PPP6R1: variants seen among roughly 807,000 people sequenced by gnomAD.
PPP6R1 encodes serine/threonine-protein phosphatase 6 regulatory subunit 1.
Under a neutral mutation model 104.6 loss-of-function variants are expected in PPP6R1, and 39 were observed. The ratio of observed to expected loss-of-function variants is 0.37; its 90% CI spans 0.29 to 0.49. The LOEUF is 0.49. Among genes scored for constraint, PPP6R1 ranks in the 20% least tolerant of loss-of-function variants. The pLI, the probability that PPP6R1 is intolerant of heterozygous loss-of-function variation, is 0.98. For synonymous variants in PPP6R1, 549 were observed against 479.0 expected (o/e 1.15, Z -1.91); for missense variants, 1,181 against 1,155.8 (o/e 1.02, Z -0.32).
Position 55,240,056 on chromosome 19 carries a change from G to C in PPP6R1, c.1420C>G (p.Leu474Val). The C allele has an allele frequency of 6.2e-7, 1 of 1,602,930 alleles. No homozygotes were observed. The highest frequency in any genetic ancestry group is 8.5e-7 in the Non-Finnish European group (1 of 1,176,344). ...GGCCCCTTCTCCGTGTTCTGCACCA[G>C]GGCACCGGCCACTCTTGTCAGGTGA... Reference protein sequence around the residue: ...MGHLTRVAGALVQNTEKGPNA... With the variant: ...MGHLTRVAGAVVQNTEKGPNA... The change falls in exon 12 of 24, where the codon CTG becomes GTG. Residue 474 changes from leucine (L) to valine (V), a missense_variant. Leu to Val is a conservative substitution (Grantham distance 32). This residue lies in a region of PPP6R1 where 1,042 missense variants were observed against 955.6 expected (regional missense o/e 1.09). Transcript: ENST00000412770.
At chr19:55,237,319 C>T (rs1315275327) in intron 15 of PPP6R1, among the ~76,000 whole-genome samples, 1 of 152,174 alleles carries the variant, frequency 6.6e-6, no homozygotes, top group African/African-American at 2.4e-5. Context: ...CCCTTGTCCC[C>T]ATCCTTGGGG....
chr19:55,237,494 C>T (rs982812617), intron 15 of PPP6R1, among the ~76,000 whole-genome samples: 1 of 152,128 alleles, frequency 6.6e-6, no homozygotes, highest in African/African-American at 2.4e-5. Context: ...CCTGCCAGGG[C>T]CCCACCTCCC....
At chr19:55,228,510 C>A (rs1247207365), downstream of PPP6R1, 1 of 1,578,772 alleles carries the variant, frequency 6.3e-7, no homozygotes, top group African/African-American at 1.3e-5. Context: ...TCTCATGGCT[C>A]CTGTCCCACC....
chr19:55,228,458 C>T (rs371721807), downstream of PPP6R1: 8 of 1,608,022 alleles, frequency 5.0e-6, no homozygotes, highest in African/African-American at 5.3e-5. Flanking sequence ...TGGGGAGCTA[C>T]TGAGCCGAAA....
Position 55,232,489 on chromosome 19 carries a change from G to A in PPP6R1, c.1989-278C>T, listed in dbSNP as rs2122524473. 1.1e-5 allele frequency: 5 copies of A among 442,600 alleles called. No individual in the cohort carries two copies. The East Asian group carries it at 1.5e-4, about 14-fold the overall frequency. 27.4% of individuals were successfully genotyped at this position (442,600 alleles called of 1,614,324 possible). A position where few individuals can be genotyped will look rare whatever the true frequency, so the allele number is the denominator to read the frequency against. On this transcript the variant is annotated intron_variant, in intron 17 of 23. Transcript: ENST00000412770. ...TGGAGGGCAGGCCCTGGGGAAGTGG[G>A]CTGAGCCTCAGCCATGGCAACCAGA...
chr19:55,240,272 C>T lies in PPP6R1; in HGVS notation c.1325G>A (p.Arg442Gln), dbSNP rs1344090074. The change falls in exon 11 of 24, where the codon CGG becomes CAG. Residue 442 changes from arginine to glutamine, a missense_variant. Coordinates refer to ENST00000412770, the MANE Select transcript of PPP6R1 (RefSeq NM_014931.4). ...GTTCTCCTCCCAGGACGTCAGGATC[C>T]GCTCCACCAGGCGGCACTGCTGCAG... ...HLLQQCRLVE[R>Q]ILTSWEENDR... 1.2e-5 allele frequency: 19 copies of T among 1,594,564 alleles called. No homozygotes were observed. Among genetic ancestry groups the T allele is most frequent in the African/African-American group, 2.7e-5 (2 of 74,530 alleles).
At chr19:55,246,847 G>C in intron 2 of PPP6R1, 30 bp downstream of exon 2, 1 of 1,523,160 alleles carries the variant, frequency 6.6e-7, no homozygotes, top group Non-Finnish European at 8.9e-7. Context: ...TGCTGATAGG[G>C]ACGGGCTGGC....
chr19:55,240,130 G>T lies in PPP6R1; in HGVS notation c.1362-16C>A. ...TCCCGCACACCTGGCAAGAGTGAAG[G>T]CCGCGGCTGCAAGCCAGGACTGGAC... On this transcript the variant is annotated splice_polypyrimidine_tract_variant and intron_variant, in intron 11 of 23. Transcript: ENST00000412770. 4 of 1,566,756 alleles carry T rather than the reference G, an allele frequency of 2.6e-6. No individual in the cohort carries two copies. The highest frequency in any genetic ancestry group is 1.7e-4 in the Middle Eastern group (1 of 6,012).
chr19:55,250,081 G>C (rs968794283), intron 1 of PPP6R1, among the ~76,000 whole-genome samples: 1 of 152,200 alleles, frequency 6.6e-6, no homozygotes, highest in African/African-American at 2.4e-5. Context: ...CTGAGGCACA[G>C]TGCTGGATGG....
At chr19:55,228,416 G>A (rs1432000911), downstream of PPP6R1, 1 of 1,612,834 alleles carries the variant, frequency 6.2e-7, no homozygotes. Flanking sequence ...AAGGGGCTCA[G>A]CCACCTGCAG....
chr19:55,257,913 C>T (rs934801914), intron 1 of PPP6R1, among the ~76,000 whole-genome samples: 1 of 152,182 alleles, frequency 6.6e-6, no homozygotes, highest in African/African-American at 2.4e-5. Context: ...GCTCCCAGGT[C>T]CCTCGCACAA....
At chr19:55,253,546 G>A (rs1032933311) in intron 1 of PPP6R1, among the ~76,000 whole-genome samples, 4 of 152,108 alleles carry the variant, frequency 2.6e-5, no homozygotes, top group East Asian at 1.9e-4. Context: ...CAAGAACTTC[G>A]GCCCTGAGAA....
intron 1 of PPP6R1, among the ~76,000 whole-genome samples, chr19:55,257,856 C>T (rs1388572630): frequency 6.6e-6 from 1 of 152,264 alleles, no homozygotes; most frequent in African/African-American, 2.4e-5. Context: ...CAGCAGGCTT[C>T]ATCTCACTGA....
At chr19:55,230,969 GCTCA>G in intron 21 of PPP6R1, 85 bp from the exon 22 acceptor site, 1 of 1,191,028 alleles carries the variant, frequency 8.4e-7, no homozygotes, top group Non-Finnish European at 1.2e-6. Context: ...ACTGAAGTCG[GCTCA>G]CTGGGTGTGT....
chr19:55,246,857 C>A lies in PPP6R1; in HGVS notation c.227+20G>T. Reference sequence around the variant, plus strand: ...TGTGATGCTGATAGGGACGGGCTGGCCAGGAGCTGGGGAACTCACTTGTAG... The same window carrying A: ...TGTGATGCTGATAGGGACGGGCTGGACAGGAGCTGGGGAACTCACTTGTAG... On this transcript the variant is annotated intron_variant, in intron 2 of 23. Transcript: ENST00000412770. 6.4e-7 allele frequency: 1 copy of A among 1,554,270 alleles called. No individual in the cohort carries two copies. The highest frequency in any genetic ancestry group is 1.2e-5 in the South Asian group (1 of 83,980).
At chr19:55,246,214 T>G (rs1389702672) in intron 2 of PPP6R1, among the ~76,000 whole-genome samples, 1 of 152,018 alleles carries the variant, frequency 6.6e-6, no homozygotes, top group Non-Finnish European at 1.5e-5. Flanking sequence ...GCATATCACT[T>G]GAGGTCAGAA....
At chr19:55,234,655 GCGGCTGCACTCACA>G in intron 17 of PPP6R1, among the ~76,000 whole-genome samples, 1 of 104,424 alleles carries the variant, frequency 9.6e-6, no homozygotes, top group South Asian at 2.3e-4. Context: ...CGCACTCACA[GCGGCTGCACTCACA>G]GCAGCGAGCA....
At chr19:55,257,280 C>T (rs2087600352) in intron 1 of PPP6R1, among the ~76,000 whole-genome samples, 1 of 152,198 alleles carries the variant, frequency 6.6e-6, no homozygotes, top group South Asian at 2.1e-4. Context: ...CAGTTAGACC[C>T]TCGCCCTTGG....
chr19:55,256,782 G>A (rs777377047), intron 1 of PPP6R1, among the ~76,000 whole-genome samples: 3 of 152,350 alleles, frequency 2.0e-5, no homozygotes, highest in Non-Finnish European at 4.4e-5. Flanking sequence ...GAGTCCAGGA[G>A]TTCAAGGCTG....
Sources: allele counts gnomAD v4.1 joint callset (sites outside exome capture counted in the v4.1 genomes callset), GRCh38; gene constraint gnomAD v4.1.1; regional missense constraint gnomAD v4.1.1; transcripts MANE v1.5; gene names NCBI Gene and HGNC (gene_info 2026-07-23, HGNC 2026-07-21).